Variants in NKAIN3 observed in about 807,000 individuals in gnomAD.
NKAIN3 encodes sodium/potassium transporting ATPase interacting 3, also known as sodium/potassium-transporting ATPase subunit beta-1-interacting protein 3.
In NKAIN3, 25 loss-of-function variants were observed where a neutral mutation model predicts 30.2. The observed-to-expected ratio is 0.83, with a 90% CI of 0.60 to 1.16. NKAIN3 has a LOEUF of 1.16. Ranked by LOEUF, NKAIN3 falls within the 50% of genes most tolerant of loss-of-function variation. The pLI, the probability that NKAIN3 is intolerant of heterozygous loss-of-function variation, is 0.00. For missense variants in NKAIN3, 225 were observed against 254.1 expected (o/e 0.89, Z 0.78); for synonymous variants, 91 against 89.6 (o/e 1.02, Z -0.09).
At chr8:62,610,920 T>C (rs933312155) in intron 3 of NKAIN3, among the ~76,000 whole-genome samples, 10 of 152,100 alleles carry the variant, frequency 6.6e-5, no homozygotes, top group African/African-American at 2.4e-4. Flanking sequence ...GAATCTTAGT[T>C]TCATAGTAGA....
At chr8:62,571,231 G>A (rs149458611) in intron 1 of NKAIN3, among the ~76,000 whole-genome samples, 2,660 of 151,444 alleles carry the variant, frequency 0.018, 28 homozygotes, top group Non-Finnish European at 0.026. Flanking sequence ...TGCCTCCCAG[G>A]TTTAAGTGAT....
At chr8:62,704,701 T>A (rs1192350462) in intron 3 of NKAIN3, among the ~76,000 whole-genome samples, 2 of 152,228 alleles carry the variant, frequency 1.3e-5, no homozygotes, top group African/African-American at 2.4e-5. Context: ...AAGCCAGGAT[T>A]CCTCCTTGCA....
Position 62,579,692 on chromosome 8 carries a change from A to G in NKAIN3, c.192+16A>G, listed in dbSNP as rs1400911809. ...CATAATGGTGGTAAGTCTTATTTTT[A>G]TCATTTTGCTTCATATAAACAATTC... On this transcript the variant is annotated intron_variant, in intron 2 of 6. Transcript: ENST00000623646. The G allele has an allele frequency of 1.4e-6, 2 of 1,399,828 alleles. No homozygotes were observed. Among genetic ancestry groups the G allele is most frequent in the Non-Finnish European group, 1.9e-6 (2 of 1,064,580 alleles). 86.7% of individuals were successfully genotyped at this position (1,399,828 alleles called of 1,614,324 possible).
Position 62,979,204 on chromosome 8 carries a change from C to T in NKAIN3, c.*13797C>T, listed in dbSNP as rs550898811. The T allele has an allele frequency of 2.6e-5, 4 of 152,134 alleles. No homozygotes were observed. The highest frequency in any genetic ancestry group is 2.6e-4 in the Admixed American group (4 of 15,260). The allele number at this position is 152,134 out of a possible 1,614,324, so 9.4% of individuals were successfully genotyped here. On this transcript the variant is annotated 3_prime_UTR_variant, in exon 7 of 7. Coordinates refer to ENST00000623646, the MANE Select transcript of NKAIN3 (RefSeq NM_001304533.3). ...AATTATATTTTATTGCATATTCTTC[C>T]TAGGCTGGGTGTGTGTGTGTGAAAG...
intron 1 of NKAIN3, among the ~76,000 whole-genome samples, chr8:62,480,353 C>G (rs1483174838): frequency 1.3e-5 from 2 of 152,030 alleles, no homozygotes; most frequent in Non-Finnish European, 2.9e-5. Flanking sequence ...ATACATATAT[C>G]AGAACATCAT....
intron 4 of NKAIN3, among the ~76,000 whole-genome samples, chr8:62,760,490 G>A (rs1586169498): frequency 6.6e-6 from 1 of 152,042 alleles, no homozygotes; most frequent in Non-Finnish European, 1.5e-5. Flanking sequence ...CATGGATGAA[G>A]CTGGAAACCA....
chr8:62,582,134 T>C (rs80102628), intron 2 of NKAIN3, among the ~76,000 whole-genome samples: 6 of 119,844 alleles, frequency 5.0e-5, no homozygotes, highest in Admixed American at 8.7e-5. Flanking sequence ...TTCCTTCCTT[T>C]CTTCCTTCCT....
chr8:62,628,924 A>G (rs1811867822), intron 3 of NKAIN3, among the ~76,000 whole-genome samples: 1 of 152,184 alleles, frequency 6.6e-6, no homozygotes, highest in African/African-American at 2.4e-5. Context: ...AGTGGCTGCA[A>G]TGTAGTCATC....
At chr8:62,927,860 A>G (rs1822496954) in intron 5 of NKAIN3, among the ~76,000 whole-genome samples, 1 of 152,248 alleles carries the variant, frequency 6.6e-6, no homozygotes, top group Non-Finnish European at 1.5e-5. Flanking sequence ...AAGTAAGACC[A>G]GACAATAAAA....
intron 3 of NKAIN3, among the ~76,000 whole-genome samples, chr8:62,724,281 G>A (rs1815188989): frequency 6.6e-6 from 1 of 151,974 alleles, no homozygotes; most frequent in South Asian, 2.1e-4. Flanking sequence ...GTAGGTGCAT[G>A]TTTACAAGGT....
At chr8:62,677,904 A>AGCT (rs2130407580) in intron 3 of NKAIN3, among the ~76,000 whole-genome samples, 1 of 152,300 alleles carries the variant, frequency 6.6e-6, no homozygotes, top group South Asian at 2.1e-4. Context: ...CCCCTGGTCT[A>AGCT]GCTAGGCTGG....
At chr8:62,608,472 TG>T (rs1238946495) in intron 3 of NKAIN3, among the ~76,000 whole-genome samples, 2 of 152,196 alleles carry the variant, frequency 1.3e-5, no homozygotes, top group East Asian at 3.9e-4. Flanking sequence ...AACTTTATGT[TG>T]AAAACTGGCA....
intron 4 of NKAIN3, among the ~76,000 whole-genome samples, chr8:62,770,245 C>G (rs140272347): frequency 4.6e-5 from 7 of 152,284 alleles, no homozygotes; most frequent in African/African-American, 1.2e-4. Context: ...CACAGAAGAT[C>G]CAGGGATAAT....
intron 1 of NKAIN3, among the ~76,000 whole-genome samples, chr8:62,279,611 C>T (rs1813098066): frequency 6.6e-6 from 1 of 152,136 alleles, no homozygotes; most frequent in African/African-American, 2.4e-5. Context: ...GTTTTCCCAG[C>T]ACCATTTATT....
intron 3 of NKAIN3, among the ~76,000 whole-genome samples, chr8:62,680,763 A>G (rs1431104846): frequency 6.6e-6 from 1 of 152,040 alleles, no homozygotes; most frequent in African/African-American, 2.4e-5. Context: ...AAAATGCTTC[A>G]CCAAACTTTT....
At chr8:62,779,840 A>T (rs1026570105) in intron 4 of NKAIN3, among the ~76,000 whole-genome samples, 3 of 152,258 alleles carry the variant, frequency 2.0e-5, no homozygotes, top group South Asian at 2.1e-4. Context: ...AAACAACTAC[A>T]TCAAAAGAAA....
Position 62,691,842 on chromosome 8 carries a change from T to C in NKAIN3, c.274-55090T>C, listed in dbSNP as rs567253176. Among the ~76,000 whole-genome samples, 3 of 152,334 alleles carry C rather than the reference T, an allele frequency of 2.0e-5. No homozygotes were observed. In the East Asian group the frequency reaches 5.8e-4, roughly 29 times the overall value. On this transcript the variant is annotated intron_variant, in intron 3 of 6. Transcript: ENST00000623646. The stretch of plus-strand genomic sequence containing the variant: ...CAAAACAAGCCACATTAAAACATAG[T>C]AGCCTGAAGTATCAATAATAGCCAT...
At chr8:62,720,071 A>G (rs970821744) in intron 3 of NKAIN3, among the ~76,000 whole-genome samples, 1 of 151,578 alleles carries the variant, frequency 6.6e-6, no homozygotes, top group Non-Finnish European at 1.5e-5. Context: ...TTTCTATCAG[A>G]TGCAAGAATT....
At chr8:62,333,775 G>A (rs1015789774) in intron 1 of NKAIN3, among the ~76,000 whole-genome samples, 1 of 152,068 alleles carries the variant, frequency 6.6e-6, no homozygotes, top group South Asian at 2.1e-4. Flanking sequence ...TTATCTGAAA[G>A]CATTTAGAAT....
Sources: allele counts gnomAD v4.1 joint callset (sites outside exome capture counted in the v4.1 genomes callset), GRCh38; gene constraint gnomAD v4.1.1; transcripts MANE v1.5; gene names NCBI Gene and HGNC (gene_info 2026-07-23, HGNC 2026-07-21).